The following SGIP1 variants were observed in gnomAD, a reference collection of about 807,000 sequenced individuals.
SGIP1 encodes the protein SH3-containing GRB2-like protein 3-interacting protein 1.
A neutral mutation model predicts 107.5 loss-of-function variants in SGIP1; 38 were observed. The ratio of observed to expected loss-of-function variants is 0.35; its 90% CI spans 0.27 to 0.46. The LOEUF is 0.46. SGIP1 is among the 20% of genes least tolerant of loss of function. The pLI, the probability that SGIP1 is intolerant of heterozygous loss-of-function variation, is 1.00. For missense variants in SGIP1, 929 were observed against 1,019.5 expected, an observed-to-expected ratio of 0.91 and a Z score of 1.21; for synonymous variants, 365 against 366.1, an observed-to-expected ratio of 1.00 and a Z score of 0.03.
chr1:66,541,824 TA>T (rs1221479136), intron 1 of SGIP1, among the ~76,000 whole-genome samples: 1 of 152,188 alleles, frequency 6.6e-6, no homozygotes, highest in Non-Finnish European at 1.5e-5. Flanking sequence ...TTTATTCATC[TA>T]ACAGATACAC....
At chr1:66,625,152 T>C (rs1358976222) in intron 1 of SGIP1, among the ~76,000 whole-genome samples, 1 of 152,188 alleles carries the variant, frequency 6.6e-6, no homozygotes, top group Non-Finnish European at 1.5e-5. Context: ...CATAGAGTAG[T>C]CAGTGTCTTA....
At chr1:66,574,893 T>C (rs1475799816) in intron 1 of SGIP1, among the ~76,000 whole-genome samples, 1 of 152,212 alleles carries the variant, frequency 6.6e-6, no homozygotes, top group East Asian at 1.9e-4. Context: ...TATGTCCCTC[T>C]GATATTTTGG....
At chr1:66,730,052 T>C (rs1196288733) in intron 20 of SGIP1, among the ~76,000 whole-genome samples, 2 of 152,190 alleles carry the variant, frequency 1.3e-5, no homozygotes, top group African/African-American at 4.8e-5. Context: ...TCTGCCTGCC[T>C]TGGCCTCCCA....
intron 1 of SGIP1, among the ~76,000 whole-genome samples, chr1:66,600,176 C>A (rs1395779010): frequency 6.6e-6 from 1 of 152,156 alleles, no homozygotes; most frequent in Non-Finnish European, 1.5e-5. Flanking sequence ...TGCCTTTGGG[C>A]TCATTTCAAT....
chr1:66,707,327 A>T (rs2092597171), intron 18 of SGIP1, among the ~76,000 whole-genome samples: 1 of 152,192 alleles, frequency 6.6e-6, no homozygotes, highest in African/African-American at 2.4e-5. Flanking sequence ...CAGAATCTGC[A>T]GACACATCTG....
chr1:66,707,233 T>C (rs1333662534), intron 18 of SGIP1, among the ~76,000 whole-genome samples: 1 of 152,156 alleles, frequency 6.6e-6, no homozygotes, highest in East Asian at 1.9e-4. Context: ...AGCATTTTTT[T>C]TTCTAACCAA....
intron 1 of SGIP1, among the ~76,000 whole-genome samples, chr1:66,606,183 A>T (rs2066804040): frequency 6.6e-6 from 1 of 152,226 alleles, no homozygotes; most frequent in Non-Finnish European, 1.5e-5. Context: ...ACGGGGTCTT[A>T]CATGAGTCAG....
chr1:66,697,580 T>C (rs901806868), intron 18 of SGIP1, among the ~76,000 whole-genome samples: 1 of 152,202 alleles, frequency 6.6e-6, no homozygotes, highest in African/African-American at 2.4e-5. Context: ...CAGATACAAG[T>C]ATATTCAAAT....
At chr1:66,719,023 C>T (rs1262078814) in intron 18 of SGIP1, among the ~76,000 whole-genome samples, 1 of 152,008 alleles carries the variant, frequency 6.6e-6, no homozygotes, top group Non-Finnish European at 1.5e-5. Context: ...CATTTGAAAA[C>T]CCCTGTGACT....
rs190925179 is a variant in SGIP1 at position 66,750,197 on chromosome 1, A to C, written c.*7102A>C. On this transcript the variant is annotated 3_prime_UTR_variant, in exon 25 of 25. Transcript: ENST00000371037. ...AGAGCTTCACCACAGGCCAAGCAGT[A>C]ATGTATACAGCTGGCTTTTTAAGCT... Among the ~76,000 whole-genome samples, 87 of 152,306 alleles carry C rather than the reference A, an allele frequency of 5.7e-4. No individual in the cohort carries two copies. The highest frequency in any genetic ancestry group is 1.5e-3 in the Admixed American group (23 of 15,300).
intron 12 of SGIP1, among the ~76,000 whole-genome samples, chr1:66,674,289 A>T (rs961032622): frequency 1.3e-5 from 2 of 152,206 alleles, no homozygotes; most frequent in Non-Finnish European, 2.9e-5. Context: ...TAAATTAACC[A>T]TGTTTTTGGA....
chr1:66,696,531 AT>A (rs1279763076), intron 18 of SGIP1, among the ~76,000 whole-genome samples: 1 of 152,220 alleles, frequency 6.6e-6, no homozygotes, highest in Non-Finnish European at 1.5e-5. Context: ...ATATACATAA[AT>A]AGTTTGTATA....
At position 66,562,585 on chromosome 1, in the gene SGIP1, C is replaced by A. The variant is rs142069978; in HGVS notation, c.10+28217C>A. On this transcript the variant is annotated intron_variant, in intron 1 of 24. Transcript: ENST00000371037. ...GGGTGGCAAAGTATTTTACCACCAGCGGCAGAATATGCTTAGGACCGAAAC... is the reference window on the plus strand; with the variant it reads ...GGGTGGCAAAGTATTTTACCACCAGAGGCAGAATATGCTTAGGACCGAAAC... Among the ~76,000 whole-genome samples the A allele has an allele frequency of 4.6e-5, 7 of 152,118 alleles. No homozygotes were observed. The South Asian group carries it at 1.2e-3, about 27-fold the overall frequency.
chr1:66,718,489 T>C (rs1486317608), intron 18 of SGIP1, among the ~76,000 whole-genome samples: 1 of 152,106 alleles, frequency 6.6e-6, no homozygotes, highest in Non-Finnish European at 1.5e-5. Flanking sequence ...TAACTAACTA[T>C]ATTATCTTGG....
At chr1:66,664,377 A>T (rs1037878427) in intron 8 of SGIP1, among the ~76,000 whole-genome samples, 6 of 152,196 alleles carry the variant, frequency 3.9e-5, no homozygotes, top group Non-Finnish European at 8.8e-5. Context: ...GACTAGAATA[A>T]TATGTCTAGT....
At chr1:66,626,868 G>A (rs534069963) in intron 2 of SGIP1, among the ~76,000 whole-genome samples, 1 of 152,246 alleles carries the variant, frequency 6.6e-6, no homozygotes, top group East Asian at 1.9e-4. Flanking sequence ...AAAAGCAACA[G>A]TTGTATGGGC....
intron 1 of SGIP1, among the ~76,000 whole-genome samples, chr1:66,580,218 A>G (rs1190424101): frequency 6.6e-6 from 1 of 152,020 alleles, no homozygotes; most frequent in Non-Finnish European, 1.5e-5. Flanking sequence ...CCTAACCATT[A>G]TGTCTGCAAG....
chr1:66,702,025 C>T (rs2091970441), intron 18 of SGIP1, among the ~76,000 whole-genome samples: 1 of 152,172 alleles, frequency 6.6e-6, no homozygotes, highest in Non-Finnish European at 1.5e-5. Flanking sequence ...ATCTGGGGTG[C>T]TGCTGTTTTT....
chr1:66,629,313 G>T (rs1415145044), intron 2 of SGIP1, among the ~76,000 whole-genome samples: 1 of 152,218 alleles, frequency 6.6e-6, no homozygotes, highest in Non-Finnish European at 1.5e-5. Flanking sequence ...GAGAGAGGTT[G>T]TGCTAAGTGG....
Sources: gnomAD v4.1 joint callset for allele counts (sites outside exome capture counted in the v4.1 genomes callset) on GRCh38, gnomAD v4.1.1 for gene constraint, MANE v1.5 for transcripts, NCBI Gene and HGNC (gene_info 2026-07-23, HGNC 2026-07-21) for gene names.